Variants in SHTN1 observed in about 807,000 individuals in gnomAD.
SHTN1 encodes shootin 1, also known as shootin-1.
Under a neutral mutation model 83.1 loss-of-function variants are expected in SHTN1, and 42 were observed. That is an observed-to-expected ratio of 0.51 (90% CI 0.39 to 0.65). The LOEUF (loss-of-function observed/expected upper bound fraction) is 0.65, where lower values mean the gene tolerates loss of function less well. Ranked by LOEUF, SHTN1 falls within the 30% of genes least tolerant of loss-of-function variation. The pLI is 0.00. For synonymous variants in SHTN1, 224 were observed against 247.7 expected, an observed-to-expected ratio of 0.90 and a Z score of 0.90; for missense variants, 622 against 737.8, an observed-to-expected ratio of 0.84 and a Z score of 1.82.
chr10:116,977,662 C>CTGTGTGTGTGTGTG (rs750351561), intron 2 of SHTN1, among the ~76,000 whole-genome samples: 47 of 147,870 alleles, frequency 3.2e-4, no homozygotes, highest in African/African-American at 1.2e-3. Flanking sequence ...CTTTCTTACT[C>CTGTGTGTGTGTGTG]TGTGTGTGTG....
Position 116,927,778 on chromosome 10 carries a change from CTGGA to C in SHTN1, c.1112+10_1112+13del, listed in dbSNP as rs1199373497. On this transcript the variant is annotated intron_variant, in intron 11 of 16. Transcript: ENST00000355371. The stretch of plus-strand genomic sequence containing the variant: ...GAACATTTGATGCAGAGCAGTCTTC[CTGGA>C]TGTGCTTACCGGATAGGATTGGGAG... 1 of 1,545,362 alleles carries C rather than the reference CTGGA, an allele frequency of 6.5e-7. No individual in the cohort carries two copies. Among genetic ancestry groups the C allele is most frequent in the East Asian group, 2.3e-5 (1 of 42,558 alleles).
At chr10:116,925,830 C>T (rs967978765) in intron 11 of SHTN1, among the ~76,000 whole-genome samples, 1 of 152,112 alleles carries the variant, frequency 6.6e-6, no homozygotes, top group Non-Finnish European at 1.5e-5. Context: ...ACTTAAGCTA[C>T]AGGCCCTAGT....
chr10:116,933,497 G>A (rs141214186), intron 9 of SHTN1, among the ~76,000 whole-genome samples: 1,955 of 152,176 alleles, frequency 0.013, 34 homozygotes, highest in African/African-American at 0.038. Flanking sequence ...GGACACGAAC[G>A]CATCCTTTTT....
chr10:117,035,691 T>C (rs921190107), intron 2 of SHTN1, among the ~76,000 whole-genome samples: 3 of 151,754 alleles, frequency 2.0e-5, no homozygotes, highest in Non-Finnish European at 4.4e-5. Flanking sequence ...GTGGCTCACG[T>C]CTGTAATCCC....
At chr10:116,952,050 A>G in intron 5 of SHTN1, 44 bp from the exon 6 acceptor site, 1 of 1,012,368 alleles carries the variant, frequency 9.9e-7, no homozygotes, top group South Asian at 2.4e-5. Flanking sequence ...ACTTATTTTT[A>G]AAATAAGAAA....
chr10:117,124,211 C>CAAAA (rs779250492), intron 1 of SHTN1, among the ~76,000 whole-genome samples: 1 of 65,910 alleles, frequency 1.5e-5, no homozygotes. Context: ...GATTATGTCT[C>CAAAA]AAAAAAAAAA....
chr10:117,116,362 C>T (rs1230435912), intron 1 of SHTN1, among the ~76,000 whole-genome samples: 1 of 151,876 alleles, frequency 6.6e-6, no homozygotes, highest in South Asian at 2.1e-4. Context: ...AAGACTGAAC[C>T]ATGAAGAAAT....
chr10:117,066,991 G>T (rs955565982), intron 1 of SHTN1, among the ~76,000 whole-genome samples: 1 of 152,164 alleles, frequency 6.6e-6, no homozygotes, highest in Non-Finnish European at 1.5e-5. Flanking sequence ...CTTCCTAAAA[G>T]TGTTGTTTAG....
intron 14 of SHTN1, among the ~76,000 whole-genome samples, chr10:116,908,842 C>CA (rs1848076034): frequency 6.6e-6 from 1 of 152,160 alleles, no homozygotes; most frequent in Non-Finnish European, 1.5e-5. Context: ...CTGAAGGAAT[C>CA]CATTTTCCAT....
chr10:117,050,721 A>C (rs10787747), intron 1 of SHTN1, among the ~76,000 whole-genome samples: 98,704 of 151,766 alleles, frequency 0.65, 35,919 homozygotes, highest in Middle Eastern at 0.84. Flanking sequence ...AGAGAGATTC[A>C]ATTACTAAAA....
In SHTN1 at chr10:117,120,687, A is replaced by T. The variant is rs538841798; in HGVS notation, c.-189+5620T>A. Reference sequence around the variant, plus strand: ...AAATCTATGGTTTGGTAGAAGAAACAGAACCTAGTGTTAGATAGATGAGCA... The same window carrying T: ...AAATCTATGGTTTGGTAGAAGAAACTGAACCTAGTGTTAGATAGATGAGCA... On this transcript the variant is annotated intron_variant, in intron 1 of 17. Transcript: ENST00000392901. Among the ~76,000 whole-genome samples the T allele has an allele frequency of 2.0e-5, 3 of 152,388 alleles. No individual in the cohort carries two copies. The East Asian group carries it at 5.8e-4, about 29-fold the overall frequency.
chr10:117,061,631 G>A (rs533175295), intron 1 of SHTN1, among the ~76,000 whole-genome samples: 6 of 151,074 alleles, frequency 4.0e-5, no homozygotes, highest in East Asian at 3.9e-4. Context: ...CACCATGCAC[G>A]GCCAATTTTG....
intron 5 of SHTN1, 68 bp downstream of exon 5, chr10:116,953,974 G>A: frequency 1.6e-6 from 2 of 1,287,916 alleles, no homozygotes; most frequent in South Asian, 3.0e-5. Flanking sequence ...CTGATGTGCA[G>A]TCAGGGTTCA....
At chr10:116,965,734 A>G (rs1850366531) in intron 3 of SHTN1, among the ~76,000 whole-genome samples, 1 of 152,212 alleles carries the variant, frequency 6.6e-6, no homozygotes, top group Non-Finnish European at 1.5e-5. Context: ...ATATTTATTG[A>G]GCACTTACTA....
chr10:116,996,516 T>C (rs370695295), intron 1 of SHTN1, among the ~76,000 whole-genome samples: 1 of 152,184 alleles, frequency 6.6e-6, no homozygotes, highest in Admixed American at 6.5e-5. Flanking sequence ...CAGATTGCAA[T>C]TGCCTGCCCC....
At chr10:117,004,894 C>T (rs999817648) in intron 1 of SHTN1, 128 bp downstream of exon 1, 11 of 730,688 alleles carry the variant, frequency 1.5e-5, no homozygotes, top group Non-Finnish European at 2.1e-5. Flanking sequence ...GGTGACGGAG[C>T]TACTGCGGTG....
chr10:116,953,304 T>G lies in SHTN1; in HGVS notation c.436+738A>C, dbSNP rs2133424663. ...ACTTGTTAACCAACAAAAAGGGGTG[T>G]CGCTAAATATATTTTTATTCATTGT... On this transcript the variant is annotated intron_variant, in intron 5 of 16. Coordinates refer to ENST00000355371, the MANE Select transcript of SHTN1 (RefSeq NM_001127211.3). Among the ~76,000 whole-genome samples the G allele has an allele frequency of 2.0e-5, 3 of 152,310 alleles. No homozygotes were observed. The South Asian group carries it at 6.2e-4, about 32-fold the overall frequency.
intron 5 of SHTN1, 31 bp from the exon 6 acceptor site, chr10:116,952,037 T>TA (rs1370887657): frequency 8.8e-7 from 1 of 1,129,998 alleles, no homozygotes; most frequent in Non-Finnish European, 1.2e-6. Context: ...AATATATAAA[T>TA]AAACTTATTT....
At chr10:116,936,983 A>G (rs1175084944) in intron 9 of SHTN1, among the ~76,000 whole-genome samples, 1 of 146,120 alleles carries the variant, frequency 6.8e-6, no homozygotes, top group South Asian at 2.2e-4. Flanking sequence ...TAGGATTGCA[A>G]CCCCTGCTTT....
Sources: allele counts gnomAD v4.1 joint callset (sites outside exome capture counted in the v4.1 genomes callset), GRCh38; gene constraint gnomAD v4.1.1; transcripts MANE v1.5; gene names NCBI Gene and HGNC (gene_info 2026-07-23, HGNC 2026-07-21).